CCDC91: variants seen among roughly 807,000 people sequenced by gnomAD.
The protein encoded by CCDC91 is coiled-coil domain containing 91, also known as coiled-coil domain-containing protein 91.
In CCDC91, 48 loss-of-function variants were observed where a neutral mutation model predicts 63.2. That is an observed-to-expected ratio of 0.76 (90% CI 0.60 to 0.97). The LOEUF is 0.97. CCDC91 is among the 50% of genes least tolerant of loss of function. The pLI is 0.00. For synonymous variants in CCDC91, 167 were observed against 165.8 expected (o/e 1.01, Z -0.06); for missense variants, 500 against 494.6 (o/e 1.01, Z -0.10).
rs187755675 is a variant in CCDC91 at position 28,325,158 on chromosome 12, T to C, written c.576+17409T>C. Among the ~76,000 whole-genome samples, 127 of 152,062 alleles carry C rather than the reference T, an allele frequency of 8.4e-4. 1 individual carries two copies. The South Asian group carries it at 0.017, about 20-fold the overall frequency. On this transcript the variant is annotated intron_variant, in intron 6 of 12. Coordinates refer to ENST00000536442, the MANE Select transcript of CCDC91 (RefSeq NM_018318.5). ...TGTTTGAAGAAAGATATTAGATAAA[T>C]TGGGAATCACATAAAAGTAATTGAA... is the stretch of plus-strand genomic sequence containing the variant.
rs182699280 is a variant in CCDC91, at chr12:28,341,998, G to A, written c.577-20440G>A. On this transcript the variant is annotated intron_variant, in intron 6 of 12. Coordinates refer to ENST00000536442, the MANE Select transcript of CCDC91 (RefSeq NM_018318.5). ...TGTCAAGAGATTCTTTAAAATAGGT[G>A]TAATTACGATCTCAGACCTCAAAGT... 3.4e-4 allele frequency among the ~76,000 whole-genome samples: 52 copies of A among 152,280 alleles called. No homozygotes were observed. The East Asian group carries it at 9.7e-3, about 28-fold the overall frequency.
chr12:28,523,290 A>G (rs192110632), intron 12 of CCDC91, among the ~76,000 whole-genome samples: 47 of 152,262 alleles, frequency 3.1e-4, no homozygotes, highest in Non-Finnish European at 5.0e-4. Context: ...TAGGATAGTT[A>G]GTTCTTCTTG....
chr12:28,389,781 T>A (rs1196734777), intron 7 of CCDC91, among the ~76,000 whole-genome samples: 2 of 152,130 alleles, frequency 1.3e-5, no homozygotes, highest in Non-Finnish European at 2.9e-5. Context: ...TGACATTTTT[T>A]TCTCTTTACA....
intron 6 of CCDC91, among the ~76,000 whole-genome samples, chr12:28,328,276 A>AT (rs1419990237): frequency 6.6e-6 from 1 of 151,740 alleles, no homozygotes. Flanking sequence ...AACATATTGT[A>AT]TTTTTTTTCC....
At chr12:28,542,617 A>G (rs2141826626) in intron 12 of CCDC91, among the ~76,000 whole-genome samples, 1 of 152,104 alleles carries the variant, frequency 6.6e-6, no homozygotes, top group East Asian at 1.9e-4. Context: ...AGTTCAAACC[A>G]CTGGCCAGAT....
intron 6 of CCDC91, among the ~76,000 whole-genome samples, chr12:28,335,122 T>C (rs1167022785): frequency 1.4e-5 from 2 of 143,440 alleles, no homozygotes; most frequent in African/African-American, 2.5e-5. Flanking sequence ...ATTTATATTT[T>C]ATACATATAT....
chr12:28,257,946 T>A (rs1946556793), intron 2 of CCDC91, among the ~76,000 whole-genome samples: 1 of 151,436 alleles, frequency 6.6e-6, no homozygotes, highest in African/African-American at 2.4e-5. Flanking sequence ...TTTTTTTTTT[T>A]TAAAGAATTT....
intron 3 of CCDC91, among the ~76,000 whole-genome samples, chr12:28,290,543 A>C (rs1196159732): frequency 6.6e-6 from 1 of 152,208 alleles, no homozygotes; most frequent in Non-Finnish European, 1.5e-5. Flanking sequence ...TGATTCTGTC[A>C]TCATGATGTT....
At chr12:28,247,394 G>A (rs111576095) in intron 1 of CCDC91, among the ~76,000 whole-genome samples, 7,502 of 151,604 alleles carry the variant, frequency 0.049, 555 homozygotes, top group African/African-American at 0.16. Context: ...CCAGGAGAAT[G>A]GCGTGAACCC....
chr12:28,522,652 T>C lies in CCDC91; in HGVS notation c.1216-26411T>C, dbSNP rs1592946326. On this transcript the variant is annotated intron_variant, in intron 12 of 12. Coordinates refer to ENST00000536442, the MANE Select transcript of CCDC91 (RefSeq NM_018318.5). ...GTTTGCTCTTGCTTCTCTAGTTCTTTTAATTGTGATGTTAGGGTGTCAATT... is the reference window on the plus strand; with the variant it reads ...GTTTGCTCTTGCTTCTCTAGTTCTTCTAATTGTGATGTTAGGGTGTCAATT... Among the ~76,000 whole-genome samples, 5 of 152,296 alleles carry C rather than the reference T, an allele frequency of 3.3e-5. 1 individual carries two copies. Among genetic ancestry groups the C allele is most frequent in the African/African-American group, 1.2e-4 (5 of 41,576 alleles).
intron 7 of CCDC91, among the ~76,000 whole-genome samples, chr12:28,385,600 A>G (rs1945549366): frequency 6.6e-6 from 1 of 152,172 alleles, no homozygotes; most frequent in African/African-American, 2.4e-5. Flanking sequence ...GTGACTTTCA[A>G]TATAATTTAA....
intron 6 of CCDC91, among the ~76,000 whole-genome samples, chr12:28,315,474 C>T (rs1440304101): frequency 6.6e-6 from 1 of 151,840 alleles, no homozygotes; most frequent in Admixed American, 6.6e-5. Context: ...CTTGTATATT[C>T]TTAAAAATAA....
At chr12:28,303,722 C>G (rs1352897552) in intron 3 of CCDC91, among the ~76,000 whole-genome samples, 1 of 152,164 alleles carries the variant, frequency 6.6e-6, no homozygotes, top group Middle Eastern at 3.4e-3. Flanking sequence ...TCAACCTTAT[C>G]AGCAAAATCT....
intron 11 of CCDC91, among the ~76,000 whole-genome samples, chr12:28,460,681 G>A (rs542827900): frequency 1.3e-4 from 19 of 149,376 alleles, no homozygotes; most frequent in Admixed American, 6.0e-4. Flanking sequence ...GAACTGAAGC[G>A]TTTAGCCTTG....
chr12:28,202,932 T>G (rs1445880611), intron 1 of CCDC91, among the ~76,000 whole-genome samples: 1 of 152,210 alleles, frequency 6.6e-6, no homozygotes, highest in Non-Finnish European at 1.5e-5. Context: ...ACAAATGCTA[T>G]CTGGGGAAAA....
intron 11 of CCDC91, among the ~76,000 whole-genome samples, chr12:28,475,582 G>T (rs1951039647): frequency 6.6e-6 from 1 of 151,974 alleles, no homozygotes; most frequent in Admixed American, 6.6e-5. Context: ...TACGTGTGTT[G>T]CAGGAAAAAA....
intron 6 of CCDC91, among the ~76,000 whole-genome samples, chr12:28,330,604 G>C (rs1356810735): frequency 9.9e-5 from 15 of 152,028 alleles, no homozygotes; most frequent in Admixed American, 9.8e-4. Flanking sequence ...CCGTGCAGAA[G>C]CTCTTTAGTT....
chr12:28,331,076 C>T (rs1941463645), intron 6 of CCDC91, among the ~76,000 whole-genome samples: 1 of 152,064 alleles, frequency 6.6e-6, no homozygotes, highest in Non-Finnish European at 1.5e-5. Flanking sequence ...ATATCTAAGA[C>T]AAAGGCATCT....
At chr12:28,335,018 T>C (rs1941821611) in intron 6 of CCDC91, among the ~76,000 whole-genome samples, 1 of 146,054 alleles carries the variant, frequency 6.8e-6, no homozygotes, top group Non-Finnish European at 1.5e-5. Context: ...CAAATTTAAA[T>C]ATATAAAAAT....
Sources: gnomAD v4.1 joint callset for allele counts (sites outside exome capture counted in the v4.1 genomes callset) on GRCh38, gnomAD v4.1.1 for gene constraint, MANE v1.5 for transcripts, NCBI Gene and HGNC (gene_info 2026-07-23, HGNC 2026-07-21) for gene names.